The following PPP1R42 variants were observed in gnomAD, a reference collection of about 807,000 sequenced individuals.
The protein encoded by PPP1R42 is leucine rich repeat containing 67.
PPP1R42 carries 34 observed loss-of-function variants against 31.0 expected under a neutral mutation model. That is an observed-to-expected ratio of 1.10 (90% confidence interval 0.83 to 1.46). The LOEUF is 1.46. Ranked by LOEUF, PPP1R42 falls within the 40% of genes most tolerant of loss-of-function variation. PPP1R42 has a pLI of 0.00. For synonymous variants in PPP1R42, 103 were observed against 109.8 expected (o/e 0.94, Z 0.39); for missense variants, 268 against 303.0 (o/e 0.88, Z 0.86).
intron 1 of PPP1R42, chr8:67,026,778 G>C (rs556542840): frequency 2.0e-4 from 30 of 152,478 alleles, no homozygotes; most frequent in African/African-American, 7.2e-4. Context: ...GCTGTGGTGA[G>C]CTGTGATTGC....
intron 5 of PPP1R42, among the ~76,000 whole-genome samples, chr8:67,003,156 A>C (rs1371899239): frequency 1.4e-5 from 2 of 146,232 alleles, no homozygotes; most frequent in African/African-American, 5.1e-5. Context: ...ACAAGAGCGA[A>C]ACTCCGTCTC....
intron 7 of PPP1R42, among the ~76,000 whole-genome samples, chr8:66,966,546 G>T (rs1297184666): frequency 6.6e-6 from 1 of 152,184 alleles, no homozygotes; most frequent in African/African-American, 2.4e-5. Flanking sequence ...CCCACTTTGG[G>T]AGGCCGAGAC....
chr8:66,982,142 GTCTT>G lies in PPP1R42; in HGVS notation c.705_708del (p.Glu235AspfsTer4). 16 of 1,465,876 alleles carry G rather than the reference GTCTT, an allele frequency of 1.1e-5. No individual in the cohort carries two copies. Among genetic ancestry groups the G allele is most frequent in the Non-Finnish European group, 1.4e-5 (16 of 1,121,360 alleles). 90.8% of individuals were successfully genotyped at this position (1,465,876 alleles called of 1,614,324 possible). On this transcript the variant is annotated frameshift_variant, in exon 7 of 8. Transcript: ENST00000685739. LOFTEE classifies it high-confidence loss of function. ...GATGCTTTCCAATTCATTAGGAATT[GTCTT>G]TCTATATTTTTAATTTCTTTTCCAT...
At chr8:67,027,763 G>A (rs1160597691) in intron 1 of PPP1R42, among the ~76,000 whole-genome samples, 3 of 152,096 alleles carry the variant, frequency 2.0e-5, no homozygotes, top group Admixed American at 2.0e-4. Flanking sequence ...TCTTTTAAAA[G>A]AGATTGTGTT....
chr8:66,986,765 T>C (rs912791108), intron 6 of PPP1R42, among the ~76,000 whole-genome samples: 5 of 152,232 alleles, frequency 3.3e-5, no homozygotes, highest in Non-Finnish European at 4.4e-5. Flanking sequence ...AGAGTGAGGC[T>C]TCTGCGTTTG....
intron 1 of PPP1R42, among the ~76,000 whole-genome samples, chr8:67,019,374 G>A (rs1234950325): frequency 1.3e-5 from 2 of 148,516 alleles, no homozygotes; most frequent in African/African-American, 2.5e-5. Flanking sequence ...CCGAGTAGCT[G>A]GGATTACAGG....
chr8:67,028,180 C>T (rs752910390), intron 1 of PPP1R42, among the ~76,000 whole-genome samples: 3 of 152,156 alleles, frequency 2.0e-5, no homozygotes, highest in Non-Finnish European at 2.9e-5. Flanking sequence ...TGGCTCCAGC[C>T]CTCAGGCTTT....
intron 1 of PPP1R42, among the ~76,000 whole-genome samples, chr8:67,018,814 G>T (rs868093326): frequency 2.7e-4 from 1 of 3,648 alleles, no homozygotes; most frequent in East Asian, 0.024. Context: ...CCTGGCCCCC[G>T]CCCCCCCCCC....
chr8:66,999,676 T>C (rs1355433303), intron 5 of PPP1R42, among the ~76,000 whole-genome samples: 4 of 152,212 alleles, frequency 2.6e-5, no homozygotes, highest in Non-Finnish European at 5.9e-5. Context: ...TGAAAGCATT[T>C]GTGTAAGATT....
chr8:66,972,481 C>G (rs540684740), intron 7 of PPP1R42, among the ~76,000 whole-genome samples: 5 of 152,208 alleles, frequency 3.3e-5, no homozygotes, highest in African/African-American at 1.2e-4. Flanking sequence ...CCTTTGCCTC[C>G]CGGGTTCAAG....
At chr8:66,992,231 T>G (rs988827903) in intron 5 of PPP1R42, among the ~76,000 whole-genome samples, 2 of 152,188 alleles carry the variant, frequency 1.3e-5, no homozygotes, top group African/African-American at 4.8e-5. Context: ...CCCCAATGTA[T>G]GAAAAGGCTG....
Position 66,979,457 on chromosome 8 carries a change from G to A in PPP1R42, c.802+2592C>T, listed in dbSNP as rs552981212. ...GTTCTGAGGTAGGAGGATCATTTGA[G>A]CCTGGGAGATCGAGGCTGTAGTGAG... On this transcript the variant is annotated intron_variant, in intron 7 of 7. Coordinates refer to ENST00000685739, the MANE Select transcript of PPP1R42 (RefSeq NM_001364910.1). 2.0e-5 allele frequency among the ~76,000 whole-genome samples: 3 copies of A among 152,312 alleles called. No homozygotes were observed. In the South Asian group the frequency reaches 6.2e-4, roughly 32 times the overall value.
At chr8:67,004,780 G>A (rs977783009) in intron 5 of PPP1R42, among the ~76,000 whole-genome samples, 3 of 152,044 alleles carry the variant, frequency 2.0e-5, no homozygotes, top group Non-Finnish European at 4.4e-5. Flanking sequence ...CTTTTCAGAG[G>A]TCTCCTAATC....
Position 66,979,391 on chromosome 8 carries a change from C to T in PPP1R42, c.802+2658G>A, listed in dbSNP as rs141931912. Among the ~76,000 whole-genome samples, 641 of 152,160 alleles carry T rather than the reference C, an allele frequency of 4.2e-3. 1 individual carries two copies. Among genetic ancestry groups the T allele is most frequent in the South Asian group, 8.9e-3 (43 of 4,826 alleles). On this transcript the variant is annotated intron_variant, in intron 7 of 7. Transcript: ENST00000685739. ...CTACAAAAAATATTTTAAAATTAGC[C>T]GGGTATGGTTGCACACGCCTGTCAT... is the stretch of plus-strand genomic sequence containing the variant.
At chr8:66,984,889 T>G (rs913413644) in intron 6 of PPP1R42, 112 of 1,561,578 alleles carry the variant, frequency 7.2e-5, no homozygotes, top group Non-Finnish European at 8.9e-5. Context: ...CTGAAGTTTT[T>G]TCTGTTCCTT....
chr8:66,965,489 T>C (rs1245745529), intron 7 of PPP1R42, among the ~76,000 whole-genome samples: 7 of 149,832 alleles, frequency 4.7e-5, no homozygotes, highest in Non-Finnish European at 8.9e-5. Context: ...CAGGCTGGAG[T>C]GCAGTGGTGT....
chr8:66,991,044 C>A (rs539296516), intron 5 of PPP1R42, among the ~76,000 whole-genome samples: 27 of 152,236 alleles, frequency 1.8e-4, no homozygotes, highest in African/African-American at 6.0e-4. Context: ...ACTGAAGATT[C>A]TATACCTCAT....
At chr8:67,020,402 T>A (rs908880084) in intron 1 of PPP1R42, among the ~76,000 whole-genome samples, 1 of 152,130 alleles carries the variant, frequency 6.6e-6, no homozygotes, top group Non-Finnish European at 1.5e-5. Context: ...GGTTTCACCA[T>A]GTTGGCCAGG....
intron 6 of PPP1R42, chr8:66,984,595 T>C: frequency 8.5e-7 from 1 of 1,179,414 alleles, no homozygotes; most frequent in Non-Finnish European, 1.3e-6. Flanking sequence ...TAACTCCATA[T>C]ACAGATACGT....
Sources: allele counts gnomAD v4.1 joint callset (sites outside exome capture counted in the v4.1 genomes callset), GRCh38; gene constraint gnomAD v4.1.1; transcripts MANE v1.5; gene names NCBI Gene and HGNC (gene_info 2026-07-23, HGNC 2026-07-21).